The following PDE4D variants were observed in gnomAD, a reference collection of about 807,000 sequenced individuals.
PDE4D encodes the protein 3',5'-cyclic-AMP phosphodiesterase 4D.
PDE4D carries 24 observed loss-of-function variants against 87.4 expected under a neutral mutation model. The ratio of observed to expected loss-of-function variants is 0.27; its 90% confidence interval spans 0.20 to 0.39. The LOEUF is 0.39. Among genes scored for constraint, PDE4D ranks in the 10% least tolerant of loss-of-function variants. The pLI is 1.00. For missense variants in PDE4D, 714 were observed against 1,041.0 expected, an observed-to-expected ratio of 0.69 and a Z score of 4.32; for synonymous variants, 384 against 383.2, an observed-to-expected ratio of 1.00 and a Z score of -0.02.
At chr5:59,850,330 G>A (rs996564732) in intron 1 of PDE4D, among the ~76,000 whole-genome samples, 2 of 151,986 alleles carry the variant, frequency 1.3e-5, no homozygotes, top group Non-Finnish European at 2.9e-5. Context: ...AACTTTTCTT[G>A]AGTCTATGTT....
At chr5:60,204,480 G>A (rs532982742) in intron 1 of PDE4D, among the ~76,000 whole-genome samples, 1 of 150,370 alleles carries the variant, frequency 6.7e-6, no homozygotes, top group South Asian at 2.1e-4. Flanking sequence ...TTGAGTGGCA[G>A]CTTCTTGCCA....
intron 2 of PDE4D, among the ~76,000 whole-genome samples, chr5:59,208,551 T>C (rs1215878323): frequency 2.6e-5 from 4 of 152,244 alleles, no homozygotes; most frequent in African/African-American, 9.6e-5. Flanking sequence ...TTAAAATCAA[T>C]GCTTTATTTT....
intron 1 of PDE4D, among the ~76,000 whole-genome samples, chr5:59,404,762 G>A (rs879553736): frequency 4.6e-5 from 7 of 151,968 alleles, no homozygotes; most frequent in Non-Finnish European, 1.0e-4. Context: ...TTAGATTTAA[G>A]TCTTTATTCC....
chr5:60,447,756 C>T (rs1234727092), intron 1 of PDE4D, among the ~76,000 whole-genome samples: 1 of 152,128 alleles, frequency 6.6e-6, no homozygotes, highest in African/African-American at 2.4e-5. Context: ...GCTGAGTACA[C>T]ACTGAGGACT....
At position 59,207,036 on chromosome 5, in the gene PDE4D, T is replaced by G. The variant is rs931712156; in HGVS notation, c.647+8741A>C. Among the ~76,000 whole-genome samples, 52 of 151,960 alleles carry G rather than the reference T, an allele frequency of 3.4e-4. 1 individual carries two copies. Among genetic ancestry groups the G allele is most frequent in the African/African-American group, 1.2e-3 (49 of 41,424 alleles). ...CATTTCTGCTAAAAATTAAAAAAAA[T>G]TAGCCGGGTGTGGTAGCATACCCCT... On this transcript the variant is annotated intron_variant, in intron 2 of 14. Coordinates refer to ENST00000340635, the MANE Select transcript of PDE4D (RefSeq NM_001104631.2).
intron 5 of PDE4D, among the ~76,000 whole-genome samples, chr5:59,067,913 G>A (rs936213367): frequency 6.6e-6 from 1 of 152,140 alleles, no homozygotes; most frequent in Non-Finnish European, 1.5e-5. Flanking sequence ...TATTAATTAA[G>A]TAGGTAAAAT....
At chr5:60,401,091 G>A (rs1013222872) in intron 1 of PDE4D, among the ~76,000 whole-genome samples, 1 of 152,116 alleles carries the variant, frequency 6.6e-6, no homozygotes, top group South Asian at 2.1e-4. Flanking sequence ...TACTGCTATG[G>A]AGTCCACAGG....
chr5:59,259,860 C>T (rs1307988700), intron 1 of PDE4D, among the ~76,000 whole-genome samples: 1 of 151,794 alleles, frequency 6.6e-6, no homozygotes, highest in Non-Finnish European at 1.5e-5. Flanking sequence ...CAGAAATTCA[C>T]ATATTGCAAA....
chr5:60,163,027 ATG>A (rs1782593644), intron 2 of PDE4D, among the ~76,000 whole-genome samples: 1 of 152,196 alleles, frequency 6.6e-6, no homozygotes, highest in Non-Finnish European at 1.5e-5. Context: ...GAAAAGCACA[ATG>A]TGATATTATC....
rs550832007 is a variant in PDE4D, at chr5:59,488,189, T to A, written c.456-272221A>T. 3.2e-3 allele frequency among the ~76,000 whole-genome samples: 446 copies of A among 140,368 alleles called. 7 individuals are homozygous for A. The highest frequency in any genetic ancestry group is 9.9e-3 in the African/African-American group (375 of 37,746). The allele number at this position is 140,368 out of a possible 152,430, so 92.1% of individuals were successfully genotyped here. A position where few individuals can be genotyped will look rare whatever the true frequency, so the allele number is the denominator to read the frequency against. On this transcript the variant is annotated intron_variant, in intron 1 of 14. Coordinates refer to ENST00000340635, the MANE Select transcript of PDE4D (RefSeq NM_001104631.2). The stretch of plus-strand genomic sequence containing the variant: ...GCCAAAAAAAAAAAAAAAAAAAAAA[T>A]GTGTAACTGTTGAAGCAATGTAAAA...
intron 2 of PDE4D, among the ~76,000 whole-genome samples, chr5:60,103,242 G>A (rs1776433451): frequency 6.6e-6 from 1 of 152,124 alleles, no homozygotes; most frequent in Non-Finnish European, 1.5e-5. Context: ...TATTTTTCCT[G>A]CTTGGGATTC....
chr5:60,034,178 G>A (rs1767542098), intron 2 of PDE4D, among the ~76,000 whole-genome samples: 3 of 152,180 alleles, frequency 2.0e-5, no homozygotes, highest in Non-Finnish European at 4.4e-5. Flanking sequence ...GTCAGATTTG[G>A]GGGATGGTAA....
At chr5:60,243,387 G>C (rs1218628217) in intron 1 of PDE4D, among the ~76,000 whole-genome samples, 3 of 151,830 alleles carry the variant, frequency 2.0e-5, no homozygotes, top group Non-Finnish European at 2.9e-5. Flanking sequence ...AATTCTACCA[G>C]GCATTTAAAG....
At chr5:60,084,467 A>G (rs1207837027) in intron 2 of PDE4D, among the ~76,000 whole-genome samples, 2 of 152,150 alleles carry the variant, frequency 1.3e-5, no homozygotes, top group African/African-American at 2.4e-5. Context: ...CTGTTTGAGA[A>G]TTTGGCAAAA....
At chr5:59,419,057 C>A (rs2153626304) in intron 1 of PDE4D, among the ~76,000 whole-genome samples, 1 of 152,300 alleles carries the variant, frequency 6.6e-6, no homozygotes, top group South Asian at 2.1e-4. Flanking sequence ...ATATGACTAT[C>A]TACTTTGCAA....
chr5:59,197,528 C>A (rs1745731521), intron 2 of PDE4D, among the ~76,000 whole-genome samples: 1 of 152,098 alleles, frequency 6.6e-6, no homozygotes, highest in Non-Finnish European at 1.5e-5. Context: ...TGAATATATA[C>A]CTAACATATA....
intron 1 of PDE4D, among the ~76,000 whole-genome samples, chr5:60,495,951 T>C (rs1038017281): frequency 3.3e-5 from 5 of 152,254 alleles, no homozygotes; most frequent in African/African-American, 9.6e-5. Context: ...CTATTTGTTT[T>C]GTTGTGCAAA....
chr5:59,258,294 CAT>C (rs1466483094), intron 1 of PDE4D, among the ~76,000 whole-genome samples: 2 of 151,828 alleles, frequency 1.3e-5, no homozygotes, highest in Admixed American at 6.6e-5. Flanking sequence ...CATACACAGA[CAT>C]ACACAAACAC....
intron 1 of PDE4D, among the ~76,000 whole-genome samples, chr5:59,666,240 C>T (rs983545006): frequency 1.3e-5 from 2 of 152,090 alleles, no homozygotes; most frequent in Non-Finnish European, 2.9e-5. Flanking sequence ...AGATTACAGC[C>T]GTGAACCACT....
Sources: gnomAD v4.1 joint callset for allele counts (sites outside exome capture counted in the v4.1 genomes callset) on GRCh38, gnomAD v4.1.1 for gene constraint, MANE v1.5 for transcripts, NCBI Gene and HGNC (gene_info 2026-07-23, HGNC 2026-07-21) for gene names.